NPL: variants seen among roughly 807,000 people sequenced by gnomAD.
NPL encodes the protein N-acetylneuraminate lyase.
Under a neutral mutation model 41.1 loss-of-function variants are expected in NPL, and 32 were observed. That is an observed-to-expected ratio of 0.78 (90% CI 0.59 to 1.05). NPL has a LOEUF of 1.05. NPL is among the 50% of genes least tolerant of loss of function. The pLI is 0.00. For synonymous variants in NPL, 128 were observed against 134.9 expected, an observed-to-expected ratio of 0.95 and a Z score of 0.35; for missense variants, 321 against 378.4, an observed-to-expected ratio of 0.85 and a Z score of 1.26.
In NPL at chr1:182,806,213, G is replaced by A. The variant is rs2102542670; in HGVS notation, c.211G>A (p.Val71Met). ...GCGTCGCCAGGTTGCAGAGGAGTGGGTGACAAAAGGGAAGGACAAGTGAGT... is the reference window on the plus strand; with the variant it reads ...GCGTCGCCAGGTTGCAGAGGAGTGGATGACAAAAGGGAAGGACAAGTGAGT... ...SERRQVAEEW[V>M]TKGKDKLDQV... is the part of the protein sequence containing the mutation. The change falls in exon 5 of 13, where the codon GTG becomes ATG. Residue 71 changes from valine to methionine, a missense_variant. Coordinates refer to ENST00000367553, the MANE Select transcript of NPL (RefSeq NM_030769.3). The A allele has an allele frequency of 2.5e-6, 4 of 1,614,220 alleles. No individual in the cohort carries two copies. Among genetic ancestry groups the A allele is most frequent in the East Asian group, 2.2e-5 (1 of 44,886 alleles).
At chr1:182,790,613 TTTG>T (rs148847511) in intron 1 of NPL, among the ~76,000 whole-genome samples, 19,555 of 150,374 alleles carry the variant, frequency 0.13, 1,254 homozygotes, top group African/African-American at 0.16. Context: ...GTTAAAGTCT[TTTG>T]TTGTTGTTGT....
At chr1:182,808,630 A>G (rs1042392512) in intron 5 of NPL, among the ~76,000 whole-genome samples, 4 of 152,154 alleles carry the variant, frequency 2.6e-5, no homozygotes, top group African/African-American at 9.6e-5. Flanking sequence ...GGACACTGCC[A>G]TGGAAGAAGA....
At chr1:182,801,630 G>A (rs143170888) in intron 3 of NPL, among the ~76,000 whole-genome samples, 57 of 152,220 alleles carry the variant, frequency 3.7e-4, no homozygotes, top group African/African-American at 1.3e-3. Flanking sequence ...CAGGAGGATC[G>A]CTTGACCCCA....
Position 182,795,353 on chromosome 1 carries a change from G to A in NPL, c.68+914G>A, listed in dbSNP as rs1001326301. Among the ~76,000 whole-genome samples the A allele has an allele frequency of 2.0e-5, 3 of 152,146 alleles. No individual in the cohort carries two copies. The South Asian group carries it at 6.2e-4, about 32-fold the overall frequency. On this transcript the variant is annotated intron_variant, in intron 3 of 12. Transcript: ENST00000367553. ...GAGATAATTCATACAACAGTGCTTG[G>A]CACAGGGTCAATACGCACTTAGGTC... is the stretch of plus-strand genomic sequence containing the variant.
At chr1:182,809,032 G>A (rs944183194) in intron 5 of NPL, among the ~76,000 whole-genome samples, 3 of 151,498 alleles carry the variant, frequency 2.0e-5, no homozygotes, top group African/African-American at 7.3e-5. Context: ...ATTTGGCTAG[G>A]GGTTTGACAT....
chr1:182,792,811 G>T (rs542724019), intron 2 of NPL, among the ~76,000 whole-genome samples: 1 of 152,200 alleles, frequency 6.6e-6, no homozygotes, highest in African/African-American at 2.4e-5. Flanking sequence ...TTTCTCAAGG[G>T]CTTACCTGAG....
rs575699287 is a variant in NPL at position 182,829,189 on chromosome 1, G to T, written c.*281G>T. ...TGGAATCAAGAGGAAAATTGTAATTGATTAATTCCATCTGTCTTTAGGAGC... is the reference window on the plus strand; with the variant it reads ...TGGAATCAAGAGGAAAATTGTAATTTATTAATTCCATCTGTCTTTAGGAGC... On this transcript the variant is annotated 3_prime_UTR_variant, in exon 13 of 13. Transcript: ENST00000367553. 3 of 1,292,508 alleles carry T rather than the reference G, an allele frequency of 2.3e-6. No homozygotes were observed. Among genetic ancestry groups the T allele is most frequent in the African/African-American group, 3.0e-5 (2 of 66,492 alleles). 80.1% of individuals were successfully genotyped at this position (1,292,508 alleles called of 1,614,324 possible).
chr1:182,822,181 T>G lies in NPL; in HGVS notation c.720T>G (p.Ser240=), dbSNP rs748800482. The G allele has an allele frequency of 4.3e-6, 7 of 1,612,368 alleles. No individual in the cohort carries two copies. The East Asian group carries it at 1.6e-4, about 36-fold the overall frequency. The part of the protein sequence containing the change: ...MLEAFEQKDF[S]LALNYQFCIQ... ...AGGCTTTTGAACAAAAGGACTTCTC[T>G]TTAGCCCTGAACTATCAGGTAAACG... The change falls in exon 11 of 13, where the codon TCT becomes TCG. Residue 240 remains serine, a synonymous_variant. Coordinates refer to ENST00000367553, the MANE Select transcript of NPL (RefSeq NM_030769.3).
At chr1:182,827,299 A>G (rs1667654947) in intron 12 of NPL, among the ~76,000 whole-genome samples, 1 of 152,232 alleles carries the variant, frequency 6.6e-6, no homozygotes, top group Non-Finnish European at 1.5e-5. Context: ...TATGATGGAT[A>G]ATTATTAGTT....
rs1348594096 is a variant in NPL, at chr1:182,803,090, TAA to T, written c.69-607_69-606del. 9.2e-5 allele frequency among the ~76,000 whole-genome samples: 14 copies of T among 152,314 alleles called. No homozygotes were observed. In the East Asian group the frequency reaches 1.9e-3, roughly 21 times the overall value. ...TTAAGTGCTAAAATTCTTATAATAT[TAA>T]GATTGACTTTTCCTATCCTGTGAGC... On this transcript the variant is annotated intron_variant, in intron 3 of 12. Coordinates refer to ENST00000367553, the MANE Select transcript of NPL (RefSeq NM_030769.3).
intron 11 of NPL, among the ~76,000 whole-genome samples, chr1:182,824,974 G>A (rs1667592816): frequency 6.6e-6 from 1 of 152,180 alleles, no homozygotes; most frequent in Admixed American, 6.5e-5. Flanking sequence ...ATGTAAGTTA[G>A]ATAATAATGG....
intron 11 of NPL, 87 bp downstream of exon 11, chr1:182,822,286 C>A: frequency 1.1e-6 from 1 of 899,502 alleles, no homozygotes; most frequent in South Asian, 1.4e-5. Flanking sequence ...CATGCCTGCC[C>A]TCATTAAAAT....
chr1:182,829,303 T>C lies in NPL; in HGVS notation c.*395T>C. 2 of 1,193,190 alleles carry C rather than the reference T, an allele frequency of 1.7e-6. No homozygotes were observed. Among genetic ancestry groups the C allele is most frequent in the Non-Finnish European group, 2.1e-6 (2 of 960,168 alleles). 73.9% of individuals were successfully genotyped at this position (1,193,190 alleles called of 1,614,324 possible). A position where few individuals can be genotyped will look rare whatever the true frequency, so the allele number is the denominator to read the frequency against. ...AATATGTCTTCATTTTAATAAATAT[T>C]CATTTGGAATCTAGGAAAACTCTGA... On this transcript the variant is annotated 3_prime_UTR_variant, in exon 13 of 13. Transcript: ENST00000367553.
At chr1:182,790,455 A>G (rs1179832220) in intron 1 of NPL, among the ~76,000 whole-genome samples, 2 of 152,244 alleles carry the variant, frequency 1.3e-5, no homozygotes, top group East Asian at 1.9e-4. Flanking sequence ...CGCTTTAGCT[A>G]CGAGCTCTGA....
At position 182,812,138 on chromosome 1, in the gene NPL, GTGTTTTTTCT is replaced by G. The variant is rs1557947630; in HGVS notation, c.231-16_231-7del. The G allele has an allele frequency of 1.2e-6, 2 of 1,613,420 alleles. No homozygotes were observed. Among genetic ancestry groups the G allele is most frequent in the African/African-American group, 2.7e-5 (2 of 74,870 alleles). On this transcript the variant is annotated splice_region_variant and splice_polypyrimidine_tract_variant and intron_variant, in intron 5 of 12. Transcript: ENST00000367553. ...CCTCTAAACTCTAAGCGATGCAGCA[GTGTTTTTTCT>G]TTTGCAGGCTGGATCAGGTGATAAT...
chr1:182,790,297 A>G (rs545097671), intron 1 of NPL, among the ~76,000 whole-genome samples: 1 of 152,310 alleles, frequency 6.6e-6, no homozygotes, highest in African/African-American at 2.4e-5. Context: ...TTAAAAAAGA[A>G]TTTGACTTAG....
At position 182,818,681 on chromosome 1, in the gene NPL, G is replaced by A. The variant is rs147627214; in HGVS notation, c.598G>A (p.Val200Met). 4.3e-4 allele frequency: 695 copies of A among 1,614,064 alleles called. No homozygotes were observed. The highest frequency in any genetic ancestry group is 5.5e-4 in the Non-Finnish European group (653 of 1,180,030). The change falls in exon 9 of 13, where the codon GTG becomes ATG. Residue 200 changes from valine (V) to methionine (M), a missense_variant. Coordinates refer to ENST00000367553, the MANE Select transcript of NPL (RefSeq NM_030769.3). ...GCAACAGTTTGCTTTCCTTTTTGGGGTGGATGAGGTAAGTCACCCCCTAGC... is the reference window on the plus strand; with the variant it reads ...GCAACAGTTTGCTTTCCTTTTTGGGATGGATGAGGTAAGTCACCCCCTAGC... ...RQQQFAFLFG[V>M]DEQLLSALVM...
intron 3 of NPL, among the ~76,000 whole-genome samples, chr1:182,800,262 C>G (rs1666799588): frequency 6.6e-6 from 1 of 151,746 alleles, no homozygotes; most frequent in African/African-American, 2.4e-5. Flanking sequence ...CTGGTAAAAC[C>G]CTGTCTCTAC....
At chr1:182,797,253 C>G (rs1398881227) in intron 3 of NPL, among the ~76,000 whole-genome samples, 1 of 152,178 alleles carries the variant, frequency 6.6e-6, no homozygotes, top group African/African-American at 2.4e-5. Context: ...CTGATCATGT[C>G]ACTCTCCTCT....
Sources: allele counts gnomAD v4.1 joint callset (sites outside exome capture counted in the v4.1 genomes callset), GRCh38; gene constraint gnomAD v4.1.1; transcripts MANE v1.5; gene names NCBI Gene and HGNC (gene_info 2026-07-23, HGNC 2026-07-21).